MYCBP2: variants seen among roughly 807,000 people sequenced by gnomAD.
MYCBP2 encodes the protein E3 ubiquitin-protein ligase MYCBP2.
MYCBP2 carries 120 observed loss-of-function variants against 525.3 expected under a neutral mutation model. That is an observed-to-expected ratio of 0.23 (90% CI 0.20 to 0.27). The LOEUF is 0.27. Ranked by LOEUF, MYCBP2 falls within the 10% of genes least tolerant of loss-of-function variation. The pLI is 1.00. For synonymous variants in MYCBP2, 1,894 were observed against 1,955.8 expected, an observed-to-expected ratio of 0.97 and a Z score of 0.83; for missense variants, 4,149 against 5,657.1, an observed-to-expected ratio of 0.73 and a Z score of 8.55.
chr13:77,149,396 T>G (rs1416683089), intron 47 of MYCBP2, among the ~76,000 whole-genome samples: 2 of 152,106 alleles, frequency 1.3e-5, no homozygotes, highest in Non-Finnish European at 2.9e-5. Context: ...CTTTTTTTTT[T>G]TTTAAGTAAG....
intron 44 of MYCBP2, among the ~76,000 whole-genome samples, chr13:77,161,204 T>G (rs1260417121): frequency 2.6e-5 from 4 of 152,210 alleles, no homozygotes; most frequent in Non-Finnish European, 5.9e-5. Flanking sequence ...TATTACAGAT[T>G]ACTAGCTAGC....
intron 20 of MYCBP2, among the ~76,000 whole-genome samples, chr13:77,218,789 T>C (rs2065156477): frequency 1.3e-5 from 2 of 152,192 alleles, no homozygotes; most frequent in South Asian, 4.1e-4. Context: ...TATCTGTAAT[T>C]AGAAACACAA....
intron 1 of MYCBP2, among the ~76,000 whole-genome samples, chr13:77,309,895 C>T (rs562086837): frequency 1.3e-5 from 2 of 152,226 alleles, no homozygotes; most frequent in African/African-American, 4.8e-5. Context: ...GGGCAAATCA[C>T]GAGGTCAAGA....
chr13:77,149,400 A>G (rs951666735), intron 47 of MYCBP2, among the ~76,000 whole-genome samples: 2 of 149,738 alleles, frequency 1.3e-5, no homozygotes, highest in Non-Finnish European at 3.0e-5. Flanking sequence ...TTTTTTTTTT[A>G]AGTAAGTGCT....
chr13:77,245,762 C>G (rs1032868329), intron 15 of MYCBP2, among the ~76,000 whole-genome samples: 5 of 150,420 alleles, frequency 3.3e-5, no homozygotes, highest in Non-Finnish European at 3.0e-5. Context: ...CACACACACA[C>G]ACACACACAC....
chr13:77,155,912 A>G (rs970739537), intron 46 of MYCBP2, 146 bp downstream of exon 46: 9 of 748,214 alleles, frequency 1.2e-5, no homozygotes, highest in Non-Finnish European at 1.9e-5. Context: ...ATTAATATAA[A>G]CAAGTCATTT....
intron 26 of MYCBP2, among the ~76,000 whole-genome samples, chr13:77,197,088 C>T (rs955500629): frequency 2.0e-5 from 3 of 152,130 alleles, no homozygotes; most frequent in African/African-American, 7.2e-5. Context: ...GGGTTAAATT[C>T]AGCTGACTGG....
At chr13:77,085,325 A>C (rs1392365373) in intron 62 of MYCBP2, among the ~76,000 whole-genome samples, 3 of 152,166 alleles carry the variant, frequency 2.0e-5, no homozygotes, top group Non-Finnish European at 4.4e-5. Flanking sequence ...CAATTATTTC[A>C]AGTTTGTTAA....
chr13:77,271,123 A>G (rs2074828557), intron 5 of MYCBP2, among the ~76,000 whole-genome samples: 1 of 152,110 alleles, frequency 6.6e-6, no homozygotes, highest in Non-Finnish European at 1.5e-5. Flanking sequence ...TACTTTAACC[A>G]TACTTTATAT....
chr13:77,201,949 C>G (rs2062639784), intron 26 of MYCBP2, among the ~76,000 whole-genome samples: 1 of 151,916 alleles, frequency 6.6e-6, no homozygotes, highest in African/African-American at 2.4e-5. Flanking sequence ...CAGGAAAGAT[C>G]CAAAATTGAC....
chr13:77,263,456 T>C (rs912922093), intron 10 of MYCBP2, among the ~76,000 whole-genome samples, 195 bp downstream of exon 10: 2 of 152,160 alleles, frequency 1.3e-5, no homozygotes, highest in Middle Eastern at 3.4e-3. Flanking sequence ...TCTTCAAATA[T>C]CATACTTTGT....
intron 47 of MYCBP2, among the ~76,000 whole-genome samples, chr13:77,149,629 C>T (rs888825787): frequency 1.5e-4 from 23 of 152,176 alleles, no homozygotes; most frequent in Non-Finnish European, 2.8e-4. Context: ...TACATCTTCA[C>T]GTAGGTATTT....
At chr13:77,151,164 C>T (rs545393052) in intron 46 of MYCBP2, among the ~76,000 whole-genome samples, 4 of 152,162 alleles carry the variant, frequency 2.6e-5, no homozygotes, top group Admixed American at 2.6e-4. Context: ...AAAACAAGGC[C>T]TCATAGTTTT....
intron 32 of MYCBP2, among the ~76,000 whole-genome samples, chr13:77,184,194 C>T (rs2060519365): frequency 6.6e-6 from 1 of 152,094 alleles, no homozygotes; most frequent in Non-Finnish European, 1.5e-5. Context: ...ATGTTTTTAT[C>T]TTTCTATGTG....
rs771960889 is a variant in MYCBP2, at chr13:77,098,598, T to C, written c.8556A>G (p.Gln2852=). 2.2e-5 allele frequency: 35 copies of C among 1,613,508 alleles called. No homozygotes were observed. Among genetic ancestry groups the C allele is most frequent in the Non-Finnish European group, 2.7e-5 (32 of 1,179,776 alleles). ...TTGTCTTAACAGGAGCAGTACTTTT[T>C]TGAGGTAGATTTTTATCATGTGGTG... The part of the protein sequence containing the change: ...SSSPHDKNLP[Q]KSTAPVKTKL... Residue 2852 remains glutamine, a synonymous_variant, in exon 56 of 83, where the codon CAA becomes CAG. Coordinates refer to ENST00000544440, the MANE Select transcript of MYCBP2 (RefSeq NM_015057.5).
At chr13:77,116,418 T>A (rs1350798528) in intron 55 of MYCBP2, among the ~76,000 whole-genome samples, 2 of 151,906 alleles carry the variant, frequency 1.3e-5, no homozygotes, top group African/African-American at 4.8e-5. Flanking sequence ...CTTTGCCACA[T>A]TTACCTTTCC....
At chr13:77,077,537 CA>C in intron 66 of MYCBP2, 150 bp from the exon 67 acceptor site, 1 of 892,954 alleles carries the variant, frequency 1.1e-6, no homozygotes, top group South Asian at 1.7e-5. Context: ...TTTCTTATTT[CA>C]ACCAGGTGAA....
At chr13:77,202,060 T>C (rs1239705969) in intron 26 of MYCBP2, among the ~76,000 whole-genome samples, 4 of 151,314 alleles carry the variant, frequency 2.6e-5, no homozygotes, top group East Asian at 1.9e-4. Flanking sequence ...CTGAAGGAAA[T>C]AGAGACACAA....
chr13:77,230,457 C>T (rs2154300163), intron 18 of MYCBP2, among the ~76,000 whole-genome samples: 1 of 152,198 alleles, frequency 6.6e-6, no homozygotes, highest in South Asian at 2.1e-4. Context: ...TTGAGCATCC[C>T]TTATTTGAAA....
Sources: allele counts gnomAD v4.1 joint callset (sites outside exome capture counted in the v4.1 genomes callset), GRCh38; gene constraint gnomAD v4.1.1; transcripts MANE v1.5; gene names NCBI Gene and HGNC (gene_info 2026-07-23, HGNC 2026-07-21).